The following USP47 variants were observed in gnomAD, a reference collection of about 807,000 sequenced individuals.
USP47 encodes ubiquitin specific peptidase 47.
USP47 carries 35 observed loss-of-function variants against 165.1 expected under a neutral mutation model. The ratio of observed to expected loss-of-function variants is 0.21; its 90% CI spans 0.16 to 0.28. The LOEUF (loss-of-function observed/expected upper bound fraction) is 0.28. Among genes scored for constraint, USP47 ranks in the 10% least tolerant of loss-of-function variants. The pLI is 1.00. For missense variants in USP47, 1,277 were observed against 1,607.4 expected, an observed-to-expected ratio of 0.79 and a Z score of 3.52; for synonymous variants, 531 against 544.5, an observed-to-expected ratio of 0.98 and a Z score of 0.35.
chr11:11,920,001 A>G (rs987252127), intron 8 of USP47, among the ~76,000 whole-genome samples, 155 bp from the exon 9 acceptor site: 2 of 151,782 alleles, frequency 1.3e-5, no homozygotes, highest in African/African-American at 4.8e-5. Context: ...TGATAATATT[A>G]TTTTACTGTT....
intron 14 of USP47, among the ~76,000 whole-genome samples, chr11:11,932,611 G>A (rs1490669922): frequency 6.6e-6 from 1 of 152,136 alleles, no homozygotes; most frequent in Non-Finnish European, 1.5e-5. Flanking sequence ...TTAATAAGCT[G>A]AAGAGACCTA....
At chr11:11,941,218 A>G (rs1855444900) in intron 19 of USP47, among the ~76,000 whole-genome samples, 1 of 151,696 alleles carries the variant, frequency 6.6e-6, no homozygotes, top group African/African-American at 2.4e-5. Flanking sequence ...ATTCACCTAC[A>G]CTTCTAAAAC....
rs1294943459 is a variant in USP47 at position 11,899,116 on chromosome 11, CG to C, written c.593+1429del. Among the ~76,000 whole-genome samples, 4 of 152,220 alleles carry C rather than the reference CG, an allele frequency of 2.6e-5. No homozygotes were observed. The East Asian group carries it at 7.7e-4, about 29-fold the overall frequency. On this transcript the variant is annotated intron_variant, in intron 5 of 27. Coordinates refer to ENST00000527733, the MANE Select transcript of USP47 (RefSeq NM_001282659.2). ...GGATGCCAATAAGCACAGTGTGTTG[CG>C]GGGGGCTTCAGGAGATCAGCATAAC...
chr11:11,874,048 T>G (rs1209622770), intron 1 of USP47, among the ~76,000 whole-genome samples: 3 of 152,192 alleles, frequency 2.0e-5, no homozygotes, highest in Non-Finnish European at 4.4e-5. Context: ...TGTTTTTAAC[T>G]AGTGAATGAG....
intron 1 of USP47, among the ~76,000 whole-genome samples, chr11:11,873,615 T>G (rs1850212160): frequency 6.6e-6 from 1 of 152,134 alleles, no homozygotes; most frequent in Non-Finnish European, 1.5e-5. Context: ...CTTTATCACC[T>G]CTTTATCATA....
Position 11,954,878 on chromosome 11 carries a change from A to G in USP47, c.3715-19A>G. The stretch of plus-strand genomic sequence containing the variant: ...GTTAATTTTTTAAATGAACTCAAAT[A>G]AAATGTTTTATTTTACAGCTTAGTG... On this transcript the variant is annotated intron_variant, in intron 25 of 27. Coordinates refer to ENST00000527733, the MANE Select transcript of USP47 (RefSeq NM_001282659.2). 6.2e-7 allele frequency: 1 copy of G among 1,610,254 alleles called. No individual in the cohort carries two copies. Among genetic ancestry groups the G allele is most frequent in the Non-Finnish European group, 8.5e-7 (1 of 1,178,884 alleles).
intron 1 of USP47, among the ~76,000 whole-genome samples, chr11:11,879,760 A>AT (rs956075580): frequency 9.3e-5 from 14 of 150,442 alleles, no homozygotes; most frequent in South Asian, 4.2e-4. Context: ...CACAATTCCC[A>AT]TTTTTTTTTA....
intron 8 of USP47, among the ~76,000 whole-genome samples, chr11:11,916,452 A>G (rs970434916): frequency 4.6e-5 from 7 of 152,202 alleles, no homozygotes; most frequent in African/African-American, 1.7e-4. Context: ...AACTTAAGCA[A>G]AGAAATAGAT....
chr11:11,887,347 A>G (rs1046792952), intron 3 of USP47, among the ~76,000 whole-genome samples: 2 of 152,332 alleles, frequency 1.3e-5, no homozygotes, highest in Admixed American at 1.3e-4. Context: ...TCATGTGCAA[A>G]GACACACATA....
chr11:11,880,322 G>C lies in USP47; in HGVS notation c.185G>C (p.Gly62Ala). The change falls in exon 2 of 28, where the codon GGC becomes GCC. Residue 62 changes from glycine to alanine, a missense_variant. Gly to Ala is a moderately conservative substitution (Grantham distance 60). Coordinates refer to ENST00000527733, the MANE Select transcript of USP47 (RefSeq NM_001282659.2). ...KLFEDVANKV[G>A]YINGTFDLVW... ...TTTGAAGATGTGGCCAACAAAGTAG[G>C]CTACATAAATGGAACCTTTGACTTG... The C allele has an allele frequency of 7.2e-7, 1 of 1,386,630 alleles. No homozygotes were observed. Among genetic ancestry groups the C allele is most frequent in the Non-Finnish European group, 9.3e-7 (1 of 1,077,218 alleles). The allele number at this position is 1,386,630 out of a possible 1,614,324, so 85.9% of individuals were successfully genotyped here.
Position 11,865,285 on chromosome 11 carries a change from A to T in USP47, c.40-14892A>T, listed in dbSNP as rs759300978. ...CCTTTTCTTCCCAGTTCTGAATGAC[A>T]TGAATGTTGGATCTTTTGTTATAGT... On this transcript the variant is annotated intron_variant, in intron 1 of 27. Coordinates refer to ENST00000527733, the MANE Select transcript of USP47 (RefSeq NM_001282659.2). 3.3e-5 allele frequency among the ~76,000 whole-genome samples: 5 copies of T among 152,276 alleles called. No homozygotes were observed. The East Asian group carries it at 9.6e-4, about 29-fold the overall frequency.
At chr11:11,920,309 A>G in intron 9 of USP47, 33 bp from the exon 10 acceptor site, 1 of 1,607,496 alleles carries the variant, frequency 6.2e-7, no homozygotes, top group Non-Finnish European at 8.5e-7. Context: ...CATATTCAAT[A>G]GACTCTCCCC....
chr11:11,957,614 A>G lies in USP47; in HGVS notation c.*1439A>G, dbSNP rs1847263106. 6.6e-6 allele frequency: 1 copy of G among 152,634 alleles called. No homozygotes were observed. The allele number at this position is 152,634 out of a possible 1,614,324, so 9.5% of individuals were successfully genotyped here. The stretch of plus-strand genomic sequence containing the variant: ...TATGACATTTTGTAATGTGTATTGG[A>G]TATCTCATTTCTATGATAAAGGTAT... On this transcript the variant is annotated 3_prime_UTR_variant, in exon 28 of 28. Coordinates refer to ENST00000527733, the MANE Select transcript of USP47 (RefSeq NM_001282659.2).
chr11:11,871,752 T>C (rs898874169), intron 1 of USP47, among the ~76,000 whole-genome samples: 2 of 152,114 alleles, frequency 1.3e-5, no homozygotes, highest in African/African-American at 4.8e-5. Context: ...TGTAGCTCTT[T>C]CCACCCCTTG....
At position 11,956,439 on chromosome 11, in the gene USP47, C is replaced by A. The variant is rs1856565800; in HGVS notation, c.*264C>A. ...AAAAAAAAACAACAAAAAAAGCTAA[C>A]CTTCTATTAGAAAAGGGGACAGGGG... On this transcript the variant is annotated 3_prime_UTR_variant, in exon 28 of 28. Transcript: ENST00000527733. 1 of 292,900 alleles carries A rather than the reference C, an allele frequency of 3.4e-6. No individual in the cohort carries two copies. The highest frequency in any genetic ancestry group is 6.3e-6 in the Non-Finnish European group (1 of 158,728). The allele number at this position is 292,900 out of a possible 1,614,324, so 18.1% of individuals were successfully genotyped here. A position where few individuals can be genotyped will look rare whatever the true frequency, so the allele number is the denominator to read the frequency against.
chr11:11,885,363 AC>A (rs930349802), intron 3 of USP47, among the ~76,000 whole-genome samples: 1 of 152,170 alleles, frequency 6.6e-6, no homozygotes, highest in African/African-American at 2.4e-5. Context: ...GATTAGGCAA[AC>A]AACTCAACTC....
intron 6 of USP47, among the ~76,000 whole-genome samples, 186 bp downstream of exon 6, chr11:11,903,046 A>G (rs1852327607): frequency 1.3e-5 from 2 of 152,204 alleles, no homozygotes; most frequent in African/African-American, 4.8e-5. Context: ...CAAATATTGT[A>G]GCACCATAAA....
intron 1 of USP47, among the ~76,000 whole-genome samples, chr11:11,861,018 C>T (rs1358909199): frequency 6.6e-6 from 1 of 152,140 alleles, no homozygotes. Flanking sequence ...CTTAAGGTTT[C>T]TCAATTTCTT....
intron 17 of USP47, among the ~76,000 whole-genome samples, chr11:11,937,814 CTG>C (rs1471729995): frequency 5.9e-5 from 9 of 151,788 alleles, no homozygotes; most frequent in Admixed American, 1.3e-4. Flanking sequence ...TACAGAATAA[CTG>C]TGTATTAAGT....
Sources: gnomAD v4.1 joint callset for allele counts (sites outside exome capture counted in the v4.1 genomes callset) on GRCh38, gnomAD v4.1.1 for gene constraint, MANE v1.5 for transcripts, NCBI Gene and HGNC (gene_info 2026-07-23, HGNC 2026-07-21) for gene names.